The following QKI variants were observed in gnomAD, a reference collection of about 807,000 sequenced individuals.
The protein encoded by QKI is KH domain-containing RNA-binding protein QKI.
In QKI, 10 loss-of-function variants were observed where a neutral mutation model predicts 39.0. The ratio of observed to expected loss-of-function variants is 0.26; its 90% CI spans 0.16 to 0.43. QKI has a LOEUF of 0.43. QKI is among the 20% of genes least tolerant of loss of function. QKI has a pLI of 1.00. For missense variants in QKI, 218 were observed against 428.0 expected (o/e 0.51, Z 4.33); for synonymous variants, 204 against 155.4 (o/e 1.31, Z -2.33).
chr6:163,431,990 T>A (rs1378366745), intron 1 of QKI, among the ~76,000 whole-genome samples: 1 of 152,192 alleles, frequency 6.6e-6, no homozygotes, highest in African/African-American at 2.4e-5. Flanking sequence ...GCATGTTAGA[T>A]CATTTGGCTC....
At chr6:163,487,520 A>G (rs935461992) in intron 3 of QKI, among the ~76,000 whole-genome samples, 1 of 152,150 alleles carries the variant, frequency 6.6e-6, no homozygotes, top group Admixed American at 6.6e-5. Context: ...ATGCTTTTAA[A>G]ATAATTTGTT....
At chr6:163,502,345 C>G (rs1171621879) in intron 3 of QKI, among the ~76,000 whole-genome samples, 2 of 151,918 alleles carry the variant, frequency 1.3e-5, no homozygotes, top group African/African-American at 2.4e-5. Flanking sequence ...AACAAACAAA[C>G]AAACAAAAAT....
At chr6:163,473,171 T>C (rs900796781) in intron 2 of QKI, among the ~76,000 whole-genome samples, 4 of 152,204 alleles carry the variant, frequency 2.6e-5, no homozygotes, top group African/African-American at 9.6e-5. Flanking sequence ...CAGGTAGTTC[T>C]ACTTCTGGGA....
At chr6:163,490,910 A>G (rs1168843642) in intron 3 of QKI, among the ~76,000 whole-genome samples, 2 of 152,170 alleles carry the variant, frequency 1.3e-5, no homozygotes, top group African/African-American at 4.8e-5. Flanking sequence ...ATCTTAATCT[A>G]CTTTGAATTC....
chr6:163,461,901 T>C (rs1177289626), intron 2 of QKI, among the ~76,000 whole-genome samples: 1 of 152,176 alleles, frequency 6.6e-6, no homozygotes, highest in East Asian at 1.9e-4. Context: ...CTTCCACTCA[T>C]TTCAGTTCCT....
chr6:163,527,817 A>G (rs1468720244), intron 3 of QKI, among the ~76,000 whole-genome samples: 1 of 152,196 alleles, frequency 6.6e-6, no homozygotes, highest in Non-Finnish European at 1.5e-5. Flanking sequence ...AATGGTGTTA[A>G]TTAGTCCTAG....
At chr6:163,512,392 T>C (rs1779538352) in intron 3 of QKI, among the ~76,000 whole-genome samples, 1 of 152,080 alleles carries the variant, frequency 6.6e-6, no homozygotes, top group Admixed American at 6.6e-5. Context: ...AAGAAGACTT[T>C]CTTATTTTTT....
Position 163,415,048 on chromosome 6 carries a change from C to T in QKI, c.-146C>T. The T allele has an allele frequency of 3.6e-6, 3 of 844,534 alleles. No homozygotes were observed. The highest frequency in any genetic ancestry group is 4.3e-6 in the Non-Finnish European group (3 of 705,062). The allele number at this position is 844,534 out of a possible 1,614,324, so 52.3% of individuals were successfully genotyped here. ...GCGCGCGGTGCCGGCCGCCCCGGGG[C>T]TCGGCGCGGGAGCCAGAGCGGGAGC... is the stretch of plus-strand genomic sequence containing the variant. On this transcript the variant is annotated 5_prime_UTR_variant, in exon 1 of 8. Transcript: ENST00000361752.
intron 4 of QKI, 61 bp from the exon 5 acceptor site, chr6:163,561,921 A>C: frequency 1.6e-6 from 2 of 1,247,506 alleles, no homozygotes; most frequent in Non-Finnish European, 2.3e-6. Flanking sequence ...GTGTGTAGAT[A>C]TAGCTATTAT....
At chr6:163,500,239 T>A (rs1027034708) in intron 3 of QKI, among the ~76,000 whole-genome samples, 2 of 152,190 alleles carry the variant, frequency 1.3e-5, no homozygotes, top group Non-Finnish European at 2.9e-5. Flanking sequence ...AGAGGGATGA[T>A]ATGATATTTA....
chr6:163,564,491 A>AT, intron 6 of QKI: 31 of 1,431,802 alleles, frequency 2.2e-5, no homozygotes, highest in Non-Finnish European at 2.7e-5. Flanking sequence ...CATATTAAAC[A>AT]TGAGAGATAC....
intron 3 of QKI, among the ~76,000 whole-genome samples, chr6:163,507,739 ACAAAAC>A (rs1779190244): frequency 2.0e-5 from 3 of 152,076 alleles, no homozygotes; most frequent in African/African-American, 7.3e-5. Flanking sequence ...CAAAACGAAA[ACAAAAC>A]CAGAACCAGA....
At chr6:163,462,055 C>T (rs138508479) in intron 2 of QKI, among the ~76,000 whole-genome samples, 19 of 152,252 alleles carry the variant, frequency 1.2e-4, no homozygotes, top group African/African-American at 4.6e-4. Context: ...TTTTCAGCTA[C>T]TAGCTTTTGA....
At chr6:163,511,629 A>T (rs966455917) in intron 3 of QKI, among the ~76,000 whole-genome samples, 1 of 152,056 alleles carries the variant, frequency 6.6e-6, no homozygotes. Flanking sequence ...TGGAAAACAC[A>T]AATTATTACC....
intron 1 of QKI, among the ~76,000 whole-genome samples, chr6:163,446,308 C>T (rs1191530518): frequency 1.2e-4 from 18 of 152,122 alleles, no homozygotes; most frequent in Admixed American, 1.1e-3. Context: ...TTCAGAGACT[C>T]GTAAGAGTAC....
intron 1 of QKI, among the ~76,000 whole-genome samples, chr6:163,416,960 A>G (rs1407128219): frequency 6.6e-6 from 1 of 152,154 alleles, no homozygotes; most frequent in East Asian, 1.9e-4. Context: ...GAGTATTTCC[A>G]AATGTGAGCG....
chr6:163,478,967 T>C (rs1485870197), intron 3 of QKI, 71 bp downstream of exon 3: 1 of 1,310,094 alleles, frequency 7.6e-7, no homozygotes, highest in East Asian at 2.4e-5. Context: ...AATAATAAAA[T>C]TTCCAGATTT....
At chr6:163,525,515 C>T (rs1026449026) in intron 3 of QKI, among the ~76,000 whole-genome samples, 7 of 151,990 alleles carry the variant, frequency 4.6e-5, no homozygotes, top group Non-Finnish European at 8.8e-5. Flanking sequence ...CCTGCCACCA[C>T]ACCTGGCTAA....
chr6:163,429,296 A>G (rs762040165), intron 1 of QKI, among the ~76,000 whole-genome samples: 1 of 152,168 alleles, frequency 6.6e-6, no homozygotes, highest in Non-Finnish European at 1.5e-5. Context: ...TTAAAAAGTT[A>G]AAAGTACTCA....
Sources: gnomAD v4.1 joint callset for allele counts (sites outside exome capture counted in the v4.1 genomes callset) on GRCh38, gnomAD v4.1.1 for gene constraint, MANE v1.5 for transcripts, NCBI Gene and HGNC (gene_info 2026-07-23, HGNC 2026-07-21) for gene names.